NEBL: variants seen among roughly 807,000 people sequenced by gnomAD.
NEBL encodes the protein LIM and SH3 protein 2.
Under a neutral mutation model 140.2 loss-of-function variants are expected in NEBL, and 122 were observed. That is an observed-to-expected ratio of 0.87 (90% CI 0.75 to 1.01). The LOEUF is 1.01. Among genes scored for constraint, NEBL ranks in the 50% least tolerant of loss-of-function variants. The pLI, the probability that NEBL is intolerant of heterozygous loss-of-function variation, is 0.00. For synonymous variants in NEBL, 436 were observed against 398.9 expected, an observed-to-expected ratio of 1.09 and a Z score of -1.11; for missense variants, 1,365 against 1,231.3, an observed-to-expected ratio of 1.11 and a Z score of -1.62.
At chr10:20,863,299 G>A (rs1843920444) in intron 7 of NEBL, among the ~76,000 whole-genome samples, 1 of 152,108 alleles carries the variant, frequency 6.6e-6, no homozygotes, top group South Asian at 2.1e-4. Flanking sequence ...ATCGCAAAAA[G>A]CCAGCAAAGG....
chr10:20,838,324 C>T (rs190325001), intron 13 of NEBL, among the ~76,000 whole-genome samples: 3 of 152,264 alleles, frequency 2.0e-5, no homozygotes, highest in African/African-American at 7.2e-5. Flanking sequence ...GGGTTCAAGA[C>T]TTCAGTGGAG....
At position 21,116,820 on chromosome 10, in the gene NEBL, G is replaced by A. The variant is rs143619572; in HGVS notation, c.164+55563C>T. ...GAGCAGCTGGGACTACAGGTGTGCC[G>A]CACCAATCCCAGCAACTTTTTAAAT... On this transcript the variant is annotated intron_variant, in intron 2 of 6. Transcript: ENST00000417816. 4.5e-3 allele frequency among the ~76,000 whole-genome samples: 684 copies of A among 151,908 alleles called. 4 individuals are homozygous for A. Among genetic ancestry groups the A allele is most frequent in the African/African-American group, 0.015 (639 of 41,450 alleles).
chr10:21,169,471 C>T (rs73609215), intron 2 of NEBL, among the ~76,000 whole-genome samples: 3,934 of 152,170 alleles, frequency 0.026, 169 homozygotes, highest in African/African-American at 0.089. Context: ...ACATGCACCA[C>T]GTGAATTAGA....
intron 3 of NEBL, among the ~76,000 whole-genome samples, chr10:20,975,761 A>G (rs1295987610): frequency 6.6e-6 from 1 of 152,178 alleles, no homozygotes; most frequent in African/African-American, 2.4e-5. Flanking sequence ...ACTACTGCCC[A>G]ACCTAGCACT....
intron 26 of NEBL, among the ~76,000 whole-genome samples, chr10:20,800,948 T>A (rs573723450): frequency 6.6e-6 from 1 of 152,240 alleles, no homozygotes; most frequent in Admixed American, 6.5e-5. Context: ...TCCTACAGGA[T>A]AAAATCCAAG....
chr10:20,981,984 C>T (rs543283144), intron 3 of NEBL, among the ~76,000 whole-genome samples: 2 of 152,308 alleles, frequency 1.3e-5, no homozygotes, highest in Middle Eastern at 3.4e-3. Flanking sequence ...CTGATACACT[C>T]ATCTACATTT....
intron 1 of NEBL, among the ~76,000 whole-genome samples, chr10:21,270,692 A>G (rs1490895688): frequency 6.6e-6 from 1 of 152,136 alleles, no homozygotes; most frequent in Non-Finnish European, 1.5e-5. Context: ...TGTTTGGTAT[A>G]TAGATCTTAT....
At chr10:21,126,220 T>C in intron 2 of NEBL, 1 of 1,240,680 alleles carries the variant, frequency 8.1e-7, no homozygotes. Flanking sequence ...ACTACATTGC[T>C]GGTTATGTTT....
In NEBL at chr10:20,862,938, T is replaced by C. The variant is rs767612946; in HGVS notation, c.685-3112A>G. ...GTATGTATTATATTTATGGGGTACA[T>C]TATATGTTTTGATACAGGCATGCAG... On this transcript the variant is annotated intron_variant, in intron 7 of 27. Coordinates refer to ENST00000377122, the MANE Select transcript of NEBL (RefSeq NM_006393.3). Among the ~76,000 whole-genome samples the C allele has an allele frequency of 8.3e-4, 127 of 152,238 alleles. 1 individual carries two copies. In the Middle Eastern group the frequency reaches 0.01, roughly 12 times the overall value.
At chr10:21,113,110 C>A (rs545176299) in intron 2 of NEBL, 50 of 227,998 alleles carry the variant, frequency 2.2e-4, no homozygotes, top group Non-Finnish European at 4.1e-4. Context: ...AAGGAGGAGG[C>A]GGAGGAAGTG....
chr10:20,791,640 T>C (rs1302651015), intron 26 of NEBL, among the ~76,000 whole-genome samples: 1 of 152,054 alleles, frequency 6.6e-6, no homozygotes, highest in Non-Finnish European at 1.5e-5. Context: ...AGCAATTATC[T>C]TGTCTCAGAC....
chr10:21,227,714 C>A (rs200394502), intron 3 of NEBL, among the ~76,000 whole-genome samples: 1 of 64,598 alleles, frequency 1.5e-5, no homozygotes. Flanking sequence ...CTTCTTCTTT[C>A]TTCTTCTTCT....
intron 26 of NEBL, chr10:20,793,490 A>G (rs1836203091): frequency 4.2e-6 from 1 of 238,570 alleles, no homozygotes; most frequent in African/African-American, 2.3e-5. Context: ...CAATTATAAT[A>G]AATCAGAATC....
chr10:21,189,546 A>C (rs1253466799), intron 3 of NEBL, among the ~76,000 whole-genome samples: 1 of 151,474 alleles, frequency 6.6e-6, no homozygotes, highest in Non-Finnish European at 1.5e-5. Context: ...CTCACTGCAA[A>C]CTCTGCCTCC....
intron 4 of NEBL, among the ~76,000 whole-genome samples, chr10:20,882,809 T>C (rs1448992442): frequency 2.0e-5 from 3 of 152,184 alleles, no homozygotes; most frequent in African/African-American, 7.2e-5. Context: ...ATCTAGTTTT[T>C]CAAAAACTTC....
At chr10:21,279,602 C>CA (rs1842967116) in intron 1 of NEBL, among the ~76,000 whole-genome samples, 1 of 151,688 alleles carries the variant, frequency 6.6e-6, no homozygotes, top group African/African-American at 2.4e-5. Context: ...CCTAAAAATA[C>CA]AAAAAATTAG....
intron 4 of NEBL, among the ~76,000 whole-genome samples, chr10:20,921,769 A>G (rs1833593239): frequency 6.9e-6 from 1 of 144,688 alleles, no homozygotes; most frequent in African/African-American, 2.6e-5. Flanking sequence ...CCATGCACAC[A>G]CATACATGTA....
chr10:20,830,792 C>G (rs942654337), intron 16 of NEBL, among the ~76,000 whole-genome samples: 2 of 150,718 alleles, frequency 1.3e-5, no homozygotes, highest in Admixed American at 6.6e-5. Context: ...GGCACAATGG[C>G]TCATGCCCAC....
At chr10:20,986,401 T>C (rs72790526) in intron 3 of NEBL, among the ~76,000 whole-genome samples, 8,231 of 152,222 alleles carry the variant, frequency 0.054, 478 homozygotes, top group African/African-American at 0.15. Flanking sequence ...ACTCTTCGCT[T>C]CCCTTCAAAA....
Sources: gnomAD v4.1 joint callset for allele counts (sites outside exome capture counted in the v4.1 genomes callset) on GRCh38, gnomAD v4.1.1 for gene constraint, MANE v1.5 for transcripts, NCBI Gene and HGNC (gene_info 2026-07-23, HGNC 2026-07-21) for gene names.